AKT3: variants seen among roughly 807,000 people sequenced by gnomAD.
AKT3 encodes the protein RAC-gamma serine/threonine-protein kinase.
A neutral mutation model predicts 65.3 loss-of-function variants in AKT3; 15 were observed. The observed-to-expected ratio is 0.23, with a 90% CI of 0.15 to 0.35. The LOEUF is 0.35. AKT3 is among the 10% of genes least tolerant of loss of function. The pLI, the probability that AKT3 is intolerant of heterozygous loss-of-function variation, is 1.00. For synonymous variants in AKT3, 206 were observed against 183.8 expected (o/e 1.12, Z -0.98); for missense variants, 243 against 576.5 (o/e 0.42, Z 5.92).
At chr1:243,616,675 A>C (rs1678349461) in intron 6 of AKT3, among the ~76,000 whole-genome samples, 2 of 152,196 alleles carry the variant, frequency 1.3e-5, no homozygotes, top group Admixed American at 1.3e-4. Flanking sequence ...AAAGCAAAAC[A>C]TCAGGACACT....
chr1:243,680,274 T>C (rs968465246), intron 3 of AKT3, among the ~76,000 whole-genome samples: 1 of 152,116 alleles, frequency 6.6e-6, no homozygotes, highest in East Asian at 1.9e-4. Context: ...TGCTGACAAT[T>C]AGTAACAGAG....
intron 12 of AKT3, among the ~76,000 whole-genome samples, chr1:243,535,230 A>C (rs79241662): frequency 1.6e-5 from 1 of 63,058 alleles, no homozygotes; most frequent in African/African-American, 1.6e-4. Context: ...TATTTTAAAA[A>C]TTTCAATAGC....
intron 2 of AKT3, among the ~76,000 whole-genome samples, chr1:243,795,173 G>C (rs950974424): frequency 6.6e-6 from 1 of 150,654 alleles, no homozygotes; most frequent in African/African-American, 2.4e-5. Flanking sequence ...TCTTCCCCCA[G>C]ATGACCAATG....
At chr1:243,725,477 T>C (rs1351416032) in intron 2 of AKT3, among the ~76,000 whole-genome samples, 2 of 152,296 alleles carry the variant, frequency 1.3e-5, no homozygotes, top group East Asian at 3.9e-4. Context: ...GTGACCAATC[T>C]AGCAGAATAA....
At chr1:243,629,423 G>C (rs1205997393) in intron 6 of AKT3, among the ~76,000 whole-genome samples, 1 of 152,184 alleles carries the variant, frequency 6.6e-6, no homozygotes, top group Non-Finnish European at 1.5e-5. Flanking sequence ...AGGATCAGGA[G>C]ATGACTGGAA....
Position 243,511,581 on chromosome 1 carries a change from C to A in AKT3, c.1354+743G>T, listed in dbSNP as rs144493154. Among the ~76,000 whole-genome samples the A allele has an allele frequency of 2.6e-3, 393 of 152,304 alleles. 2 individuals carry two copies. Among genetic ancestry groups the A allele is most frequent in the African/African-American group, 8.8e-3 (365 of 41,570 alleles). ...CCAAAGATGTGTAACTTGAAGCATTCTTGCAGCCATCCAAATATTGCCCTG... is the reference window on the plus strand; with the variant it reads ...CCAAAGATGTGTAACTTGAAGCATTATTGCAGCCATCCAAATATTGCCCTG... On this transcript the variant is annotated intron_variant, in intron 13 of 13. Transcript: ENST00000673466.
intron 2 of AKT3, among the ~76,000 whole-genome samples, chr1:243,820,714 T>C (rs568691979): frequency 3.3e-5 from 5 of 151,966 alleles, no homozygotes; most frequent in South Asian, 2.1e-4. Context: ...GCTTGAAGAC[T>C]ATCTTCCCAA....
chr1:243,764,596 T>A (rs1020564539), intron 2 of AKT3, among the ~76,000 whole-genome samples: 1 of 152,066 alleles, frequency 6.6e-6, no homozygotes, highest in African/African-American at 2.4e-5. Flanking sequence ...AAATATAAAT[T>A]GTTAAAATCC....
At chr1:243,710,568 TACA>T (rs1259225855) in intron 2 of AKT3, among the ~76,000 whole-genome samples, 1 of 152,212 alleles carries the variant, frequency 6.6e-6, no homozygotes, top group Admixed American at 6.5e-5. Context: ...CTCTCCCAGG[TACA>T]ACAACCCTTG....
downstream of AKT3, among the ~76,000 whole-genome samples, chr1:243,496,354 C>T (rs1309263802): frequency 6.6e-6 from 1 of 152,198 alleles, no homozygotes; most frequent in African/African-American, 2.4e-5. Context: ...AGGCGAGCCA[C>T]CAAGCGAGGC....
chr1:243,713,086 T>C (rs1033461750), intron 2 of AKT3, among the ~76,000 whole-genome samples: 3 of 152,180 alleles, frequency 2.0e-5, no homozygotes, highest in African/African-American at 7.2e-5. Context: ...CCCCTAGTGG[T>C]AGGCTATGAA....
At chr1:243,849,980 G>C in intron 1 of AKT3, 60 bp downstream of exon 1, 1 of 969,358 alleles carries the variant, frequency 1.0e-6, no homozygotes, top group Non-Finnish European at 1.2e-6. Flanking sequence ...GGGGCCCGGG[G>C]CCCGGAGGGA....
At chr1:243,797,171 TA>T (rs546341645) in intron 2 of AKT3, among the ~76,000 whole-genome samples, 14 of 148,062 alleles carry the variant, frequency 9.5e-5, no homozygotes, top group Admixed American at 1.4e-4. Flanking sequence ...AATACTTTTT[TA>T]AAAAAAAAAG....
chr1:243,647,882 T>C (rs1245028292), intron 4 of AKT3, among the ~76,000 whole-genome samples: 1 of 152,054 alleles, frequency 6.6e-6, no homozygotes, highest in East Asian at 1.9e-4. Context: ...TTGTAGATCT[T>C]CTATATAACA....
chr1:243,546,712 T>A (rs1672700538), intron 11 of AKT3: 1 of 152,028 alleles, frequency 6.6e-6, no homozygotes, highest in Non-Finnish European at 1.5e-5. Flanking sequence ...CCCAGACATA[T>A]AAATTTAAAT....
rs1014203738 is a variant in AKT3, at chr1:243,842,240, T to C, written c.46+885A>G. Among the ~76,000 whole-genome samples, 3 of 152,268 alleles carry C rather than the reference T, an allele frequency of 2.0e-5. No homozygotes were observed. In the East Asian group the frequency reaches 5.8e-4, roughly 29 times the overall value. On this transcript the variant is annotated intron_variant, in intron 2 of 13. Coordinates refer to ENST00000673466, the MANE Select transcript of AKT3 (RefSeq NM_005465.7). The stretch of plus-strand genomic sequence containing the variant: ...ACAGCTTTTCAGGATAGGTATTTAC[T>C]ACAGACCTTCAAAAAATATTAAAAT...
intron 9 of AKT3, 36 bp from the exon 10 acceptor site, chr1:243,563,884 A>T (rs1673970596): frequency 6.4e-7 from 1 of 1,567,308 alleles, no homozygotes; most frequent in African/African-American, 1.4e-5. Context: ...TTTGTTCTAT[A>T]GTCTTCAACA....
intron 2 of AKT3, among the ~76,000 whole-genome samples, chr1:243,790,363 G>C (rs574335088): frequency 2.0e-5 from 3 of 152,082 alleles, no homozygotes; most frequent in African/African-American, 4.8e-5. Context: ...TTTATGTTAC[G>C]GAGACGGCTT....
chr1:243,738,656 G>A (rs1007348414), intron 2 of AKT3, among the ~76,000 whole-genome samples: 13 of 152,182 alleles, frequency 8.5e-5, no homozygotes, highest in Middle Eastern at 3.4e-3. Flanking sequence ...CTTAGTACTC[G>A]TTGAGGATGA....
Sources: allele counts gnomAD v4.1 joint callset (sites outside exome capture counted in the v4.1 genomes callset), GRCh38; gene constraint gnomAD v4.1.1; transcripts MANE v1.5; gene names NCBI Gene and HGNC (gene_info 2026-07-23, HGNC 2026-07-21).